Variants in LRRC56 observed in about 807,000 individuals in gnomAD.
LRRC56 encodes leucine-rich repeat-containing protein 56.
Under a neutral mutation model 47.8 loss-of-function variants are expected in LRRC56, and 41 were observed. That is an observed-to-expected ratio of 0.86 (90% CI 0.67 to 1.11). LRRC56 has a LOEUF of 1.11. Among genes scored for constraint, LRRC56 ranks in the 50% most tolerant of loss-of-function variants. The pLI, the probability that LRRC56 is intolerant of heterozygous loss-of-function variation, is 0.00. For missense variants in LRRC56, 759 were observed against 704.2 expected (o/e 1.08, Z -0.88); for synonymous variants, 387 against 311.2 (o/e 1.24, Z -2.56).
At chr11:536,763 C>T (rs1851514356), upstream of LRRC56, 1 of 152,216 alleles carries the variant, frequency 6.6e-6, no homozygotes, top group African/African-American at 2.4e-5. Flanking sequence ...TACTTCGTCT[C>T]AAAACAAAAA....
At chr11:510,610 T>G in the LRRC56 span, among the ~76,000 whole-genome samples, 1 of 152,004 alleles carries the variant, frequency 6.6e-6, no homozygotes, top group Non-Finnish European at 1.5e-5. Context: ...TGGTGGCACA[T>G]GCCTGTAATC....
chr11:541,737 C>G lies in LRRC56; in HGVS notation c.265+113C>G, dbSNP rs149829728. ...TGTCCTCACCTCTCGGGCCGCGTATCGGCTTCCTTAGGGTTGGCCTCTGAC... is the reference window on the plus strand; with the variant it reads ...TGTCCTCACCTCTCGGGCCGCGTATGGGCTTCCTTAGGGTTGGCCTCTGAC... On this transcript the variant is annotated intron_variant, in intron 5 of 13. Transcript: ENST00000270115. The surrounding 1 kb of genome is among the most constrained non-coding windows in gnomAD (Gnocchi z 4.1). The G allele has an allele frequency of 6.0e-6, 4 of 661,184 alleles. No individual in the cohort carries two copies. 41.0% of individuals were successfully genotyped at this position (661,184 alleles called of 1,614,324 possible).
At chr11:519,238 C>T in the LRRC56 span, among the ~76,000 whole-genome samples, 1 of 151,648 alleles carries the variant, frequency 6.6e-6, no homozygotes, top group East Asian at 1.9e-4. Context: ...CCTAAAGGAA[C>T]GTGGCCTGAT....
chr11:552,304 G>A (rs1403010996), intron 12 of LRRC56, 72 bp downstream of exon 12: 2 of 1,545,058 alleles, frequency 1.3e-6, no homozygotes, highest in Admixed American at 1.8e-5. Context: ...GGCTACCTTG[G>A]CTGAGTCATC....
In LRRC56 at chr11:551,734, C is replaced by A. The variant is rs1852404176; in HGVS notation, c.880C>A (p.Pro294Thr). ...ETQSRASRPW[P>T]FSLLVRGGPL... ...GCAGTCCCGGGCCTCCAGGCCCTGG[C>A]CCTTCTCCCTGCTGGTCCGTGGGGG... The change falls in exon 10 of 14, where the codon CCC becomes ACC. Residue 294 changes from proline (P) to threonine (T), a missense_variant. Physicochemically the swap from Pro to Thr is conservative, Grantham distance 38. Coordinates refer to ENST00000270115, the MANE Select transcript of LRRC56 (RefSeq NM_198075.4). 1 of 1,611,436 alleles carries A rather than the reference C, an allele frequency of 6.2e-7. No individual in the cohort carries two copies. Among genetic ancestry groups the A allele is most frequent in the Non-Finnish European group, 8.5e-7 (1 of 1,179,308 alleles).
At position 554,493 on chromosome 11, in the gene LRRC56, GGGGA is replaced by G; in HGVS notation, c.*225_*228del. The G allele has an allele frequency of 2.2e-6, 1 of 445,368 alleles. No homozygotes were observed. 27.6% of individuals were successfully genotyped at this position (445,368 alleles called of 1,614,324 possible). ...TTAGGCCCCCAACTGGGTTTGGCCT[GGGGA>G]GGGAGGGTCCGGCTCCCCAGCCCTT... On this transcript the variant is annotated 3_prime_UTR_variant, in exon 14 of 14. Coordinates refer to ENST00000270115, the MANE Select transcript of LRRC56 (RefSeq NM_198075.4).
At chr11:517,001 C>T in the LRRC56 span, among the ~76,000 whole-genome samples, 6 of 152,264 alleles carry the variant, frequency 3.9e-5, no homozygotes, top group South Asian at 4.1e-4. Context: ...AGGCATGCAC[C>T]GCCACGCCTG....
the LRRC56 span, among the ~76,000 whole-genome samples, chr11:513,826 A>C: frequency 4.0e-5 from 6 of 151,504 alleles, no homozygotes; most frequent in African/African-American, 7.3e-5. Flanking sequence ...ATCTCAAAAA[A>C]AAAAAAAAAA....
At chr11:520,935 G>C in the LRRC56 span, among the ~76,000 whole-genome samples, 1 of 152,194 alleles carries the variant, frequency 6.6e-6, no homozygotes, top group Non-Finnish European at 1.5e-5. Context: ...TGTCCATATT[G>C]AGACCGCGTC....
At chr11:534,450 T>C, upstream of LRRC56, 1 of 727,456 alleles carries the variant, frequency 1.4e-6, no homozygotes, top group Non-Finnish European at 2.3e-6. Flanking sequence ...GGCAGGGCCA[T>C]CTGAAGGGCA....
upstream of LRRC56, among the ~76,000 whole-genome samples, chr11:536,156 G>A (rs1425085864): frequency 1.3e-5 from 2 of 152,234 alleles, no homozygotes; most frequent in Non-Finnish European, 2.9e-5. Flanking sequence ...GACGCTTGCA[G>A]CCCCGGTGGG....
upstream of LRRC56, chr11:534,290 G>A (rs1162804656): frequency 2.5e-6 from 4 of 1,613,188 alleles, no homozygotes; most frequent in African/African-American, 2.7e-5. Flanking sequence ...CCACACCGCC[G>A]GCGCCCACCA....
At chr11:509,867 C>G in the LRRC56 span, among the ~76,000 whole-genome samples, 13 of 151,928 alleles carry the variant, frequency 8.6e-5, no homozygotes, top group African/African-American at 3.1e-4. Flanking sequence ...ACCTGCCTCA[C>G]CTCGTTATGT....
the LRRC56 span, among the ~76,000 whole-genome samples, chr11:509,072 A>G: frequency 2.0e-5 from 3 of 151,316 alleles, no homozygotes; most frequent in African/African-American, 7.2e-5. Flanking sequence ...ACTCCGTCTC[A>G]AAAAGAAGGT....
upstream of LRRC56, chr11:533,759 G>C (rs1367770571): frequency 3.1e-6 from 5 of 1,613,242 alleles, no homozygotes; most frequent in South Asian, 1.1e-5. Context: ...AGCCTCACGG[G>C]GTTCACCTGT....
In LRRC56 at chr11:540,844, C is replaced by T. The variant is rs1385547706; in HGVS notation, c.160C>T (p.Leu54=). The change falls in exon 4 of 14, where the codon CTG becomes TTG. Residue 54 remains leucine, a synonymous_variant. Coordinates refer to ENST00000270115, the MANE Select transcript of LRRC56 (RefSeq NM_198075.4). ...TGGAGAGCAGCTGGTGGAAGAGTAC[C>T]TGTCCCCTGCCCGGCTGGTGAGTGT... ...RLGEQLVEEY[L]SPARLQALAR... The T allele has an allele frequency of 2.5e-6, 4 of 1,569,808 alleles. No homozygotes were observed. The highest frequency in any genetic ancestry group is 1.9e-5 in the Admixed American group (1 of 52,992).
chr11:534,840 G>C (rs942671062), upstream of LRRC56, among the ~76,000 whole-genome samples: 2 of 152,214 alleles, frequency 1.3e-5, no homozygotes, highest in Non-Finnish European at 2.9e-5. Context: ...CTGCGTACTA[G>C]GCGCCGCCGA....
At chr11:545,507 A>G (rs1223702032) in intron 6 of LRRC56, among the ~76,000 whole-genome samples, 1 of 150,382 alleles carries the variant, frequency 6.6e-6, no homozygotes, top group East Asian at 1.9e-4. Context: ...AACCCAGACC[A>G]GACGGCAGCC....
chr11:516,966 C>T, the LRRC56 span, among the ~76,000 whole-genome samples: 2 of 152,224 alleles, frequency 1.3e-5, no homozygotes, highest in Admixed American at 6.5e-5. Flanking sequence ...TCTCCTGCCT[C>T]GGCCTGCCAA....
Sources: gnomAD v4.1 joint callset for allele counts (sites outside exome capture counted in the v4.1 genomes callset) on GRCh38, gnomAD v4.1.1 for gene constraint, Gnocchi (gnomAD v3.1) non-coding constraint, MANE v1.5 for transcripts, NCBI Gene and HGNC (gene_info 2026-07-23, HGNC 2026-07-21) for gene names.